The following DMD variants were observed in gnomAD, a reference collection of about 807,000 sequenced individuals.
DMD encodes the protein mutant dystrophin.
DMD carries 63 observed loss-of-function variants against 330.1 expected under a neutral mutation model. The ratio of observed to expected loss-of-function variants is 0.19; its 90% CI spans 0.16 to 0.24. The LOEUF (loss-of-function observed/expected upper bound fraction) is 0.24, where lower values mean the gene tolerates loss of function less well. DMD is among the 10% of genes least tolerant of loss of function. DMD has a pLI of 1.00. For synonymous variants in DMD, 1,223 were observed against 959.8 expected (o/e 1.27, Z -5.07); for missense variants, 3,344 against 2,684.1 (o/e 1.25, Z -5.43).
intron 55 of DMD, among the ~76,000 whole-genome samples, chrX:31,601,969 A>T (rs1177469745): frequency 9.0e-6 from 1 of 111,515 alleles, no homozygotes. Flanking sequence ...AATGGACCCA[A>T]ACAGACTTAT....
rs1395888658 is a variant in DMD, at chrX:31,810,560, G to A, written c.7309+9415C>T. Among the ~76,000 whole-genome samples, 4 of 111,866 alleles carry A rather than the reference G, an allele frequency of 3.6e-5. No individual in the cohort carries two copies. In the Admixed American group the frequency reaches 3.8e-4, roughly 11 times the overall value. On this transcript the variant is annotated intron_variant, in intron 50 of 78. Coordinates refer to ENST00000357033, the MANE Select transcript of DMD (RefSeq NM_004006.3). ...TTTTAAGAAGAGAGTTGGCAGTTAC[G>A]CTTCTAAGATTGCTTCTAATAGAAT...
chrX:31,438,222 C>T lies in DMD; in HGVS notation c.9084+6259G>A, dbSNP rs937307031. 2.7e-5 allele frequency among the ~76,000 whole-genome samples: 3 copies of T among 111,290 alleles called. No individual in the cohort carries two copies. In the Admixed American group the frequency reaches 2.9e-4, roughly 11 times the overall value. On this transcript the variant is annotated intron_variant, in intron 60 of 78. Transcript: ENST00000357033. ...TTGGGATGGCATTATACTTAATTTCCCCAGAGTCTAAACCCTTCACAGTGT... is the reference window on the plus strand; with the variant it reads ...TTGGGATGGCATTATACTTAATTTCTCCAGAGTCTAAACCCTTCACAGTGT...
At chrX:32,211,503 C>T (rs1225885971) in intron 44 of DMD, among the ~76,000 whole-genome samples, 1 of 111,899 alleles carries the variant, frequency 8.9e-6, no homozygotes. Context: ...AACACACTAA[C>T]ATTGCAAAAG....
intron 2 of DMD, among the ~76,000 whole-genome samples, chrX:32,911,279 G>A (rs2087216445): frequency 8.9e-6 from 1 of 111,798 alleles, no homozygotes; most frequent in African/African-American, 3.3e-5. Flanking sequence ...AACTGGCGGT[G>A]GGAAAGAGAG....
At chrX:31,660,631 T>A (rs1230006947) in intron 53 of DMD, among the ~76,000 whole-genome samples, 1 of 111,854 alleles carries the variant, frequency 8.9e-6, no homozygotes, top group Non-Finnish European at 1.9e-5. Context: ...ACTGAATTGT[T>A]AATAAAATAC....
At chrX:32,178,196 A>AT (rs10597296) in intron 44 of DMD, among the ~76,000 whole-genome samples, 164 of 100,669 alleles carry the variant, frequency 1.6e-3, no homozygotes, top group East Asian at 0.012. Context: ...TCTCAAGACC[A>AT]TTTTTTTTTT....
intron 1 of DMD, among the ~76,000 whole-genome samples, chrX:33,306,613 G>A (rs2053765702): frequency 9.0e-6 from 1 of 110,878 alleles, no homozygotes; most frequent in Admixed American, 9.7e-5. Flanking sequence ...ATGGCACAGA[G>A]GCTTGAAAAC....
rs10597133 is a variant in DMD at position 31,477,796 on chromosome X, T to TAC, written c.8937+308_8937+309dup. Reference sequence around the variant, plus strand: ...CTAAGTAACACAAGCAATACACCAATACACACACACACACACACACACACA... The same window carrying TAC: ...CTAAGTAACACAAGCAATACACCAATACACACACACACACACACACACACACA... On this transcript the variant is annotated intron_variant, in intron 59 of 78. Coordinates refer to ENST00000357033, the MANE Select transcript of DMD (RefSeq NM_004006.3). Among the ~76,000 whole-genome samples, 504 of 99,299 alleles carry TAC rather than the reference T, an allele frequency of 5.1e-3. 3 individuals are homozygous for TAC. The highest frequency in any genetic ancestry group is 0.012 in the South Asian group (23 of 1,975). The allele number at this position is 99,299 out of a possible 115,157, so 86.2% of individuals were successfully genotyped here. A position where few individuals can be genotyped will look rare whatever the true frequency, so the allele number is the denominator to read the frequency against.
At chrX:31,710,928 G>A (rs1409164448) in intron 52 of DMD, among the ~76,000 whole-genome samples, 1 of 110,856 alleles carries the variant, frequency 9.0e-6, no homozygotes, top group Non-Finnish European at 1.9e-5. Flanking sequence ...TGAAGAAAGA[G>A]TATATTAAGA....
intron 4 of DMD, among the ~76,000 whole-genome samples, chrX:32,824,254 G>A (rs1221762497): frequency 9.0e-6 from 1 of 111,300 alleles, no homozygotes; most frequent in Non-Finnish European, 1.9e-5. Flanking sequence ...GGGCTCTTGA[G>A]CATTTATCTC....
chrX:31,503,106 A>T (rs1176104362), intron 56 of DMD, among the ~76,000 whole-genome samples: 1 of 112,181 alleles, frequency 8.9e-6, no homozygotes, highest in Non-Finnish European at 1.9e-5. Flanking sequence ...CTTTTCTTGA[A>T]TTAAATTATG....
chrX:32,171,781 C>G (rs1277293226), intron 44 of DMD, among the ~76,000 whole-genome samples: 3 of 111,547 alleles, frequency 2.7e-5, no homozygotes, highest in African/African-American at 9.7e-5. Flanking sequence ...CCATACATTT[C>G]AGAATTCGTT....
intron 13 of DMD, among the ~76,000 whole-genome samples, chrX:32,581,770 A>G (rs2053679265): frequency 8.9e-6 from 1 of 112,182 alleles, no homozygotes; most frequent in African/African-American, 3.2e-5. Flanking sequence ...AAAGGAAAAT[A>G]ACAGGCCAAT....
chrX:31,780,503 A>T (rs1040672940), intron 50 of DMD, among the ~76,000 whole-genome samples: 24 of 112,122 alleles, frequency 2.1e-4, no homozygotes, highest in African/African-American at 7.8e-4. Flanking sequence ...ATTGTTAGCG[A>T]CTTCCATCTC....
At chrX:32,754,132 G>A (rs771100025) in intron 7 of DMD, among the ~76,000 whole-genome samples, 1 of 111,565 alleles carries the variant, frequency 9.0e-6, no homozygotes, top group African/African-American at 3.3e-5. Flanking sequence ...AATATTTAGA[G>A]TTGCTGGTCA....
chrX:32,982,812 C>T (rs769070796), intron 2 of DMD, among the ~76,000 whole-genome samples: 1 of 112,077 alleles, frequency 8.9e-6, no homozygotes, highest in South Asian at 3.8e-4. Context: ...TCTCCTGACA[C>T]TTTCTAGGAC....
chrX:31,636,134 C>A (rs150522417), intron 54 of DMD, among the ~76,000 whole-genome samples: 2 of 110,962 alleles, frequency 1.8e-5, no homozygotes, highest in African/African-American at 6.6e-5. Flanking sequence ...TTAGTGGGAG[C>A]TAAATGATGA....
chrX:32,280,765 G>A (rs189314301), intron 43 of DMD, among the ~76,000 whole-genome samples: 10 of 112,017 alleles, frequency 8.9e-5, no homozygotes, highest in Admixed American at 3.8e-4. Flanking sequence ...TAGTGATAAC[G>A]TGAGGATTAG....
chrX:32,434,582 A>T (rs940367227), intron 29 of DMD, among the ~76,000 whole-genome samples: 1 of 112,191 alleles, frequency 8.9e-6, no homozygotes, highest in Admixed American at 9.5e-5. Context: ...AGTTACTGTA[A>T]TCATTTTGTT....
Sources: gnomAD v4.1 joint callset for allele counts (sites outside exome capture counted in the v4.1 genomes callset) on GRCh38, gnomAD v4.1.1 for gene constraint, MANE v1.5 for transcripts, NCBI Gene and HGNC (gene_info 2026-07-23, HGNC 2026-07-21) for gene names.